IQGAP1: variants seen among roughly 807,000 people sequenced by gnomAD.
IQGAP1 encodes the protein ras GTPase-activating-like protein IQGAP1.
A neutral mutation model predicts 215.6 loss-of-function variants in IQGAP1; 66 were observed. The ratio of observed to expected loss-of-function variants is 0.31; its 90% confidence interval spans 0.25 to 0.38. The LOEUF is 0.38. Ranked by LOEUF, IQGAP1 falls within the 10% of genes least tolerant of loss-of-function variation. IQGAP1 has a pLI of 1.00. For synonymous variants in IQGAP1, 772 were observed against 728.7 expected (o/e 1.06, Z -0.96); for missense variants, 1,712 against 1,997.1 (o/e 0.86, Z 2.72).
In IQGAP1 at chr15:90,497,321, C is replaced by A; in HGVS notation, c.4841C>A (p.Thr1614Asn). ...KAKFMGVQME[T>N]FMLHYQDLLQ... ...AAATTCATGGGAGTTCAAATGGAGA[C>A]TTTTATGTTACATTATCAGGTGGGT... Residue 1614 changes from threonine (T) to asparagine (N), a missense_variant, in exon 37 of 38, where the codon ACT becomes AAT. Around this residue, in one of 2 missense-constraint regions of IQGAP1, gnomAD observed 691 missense variants for 923.0 expected, o/e 0.75. Transcript: ENST00000268182. 6.3e-7 allele frequency: 1 copy of A among 1,598,720 alleles called. No individual in the cohort carries two copies. Among genetic ancestry groups the A allele is most frequent in the Non-Finnish European group, 8.6e-7 (1 of 1,166,140 alleles).
rs1188426647 is a variant in IQGAP1 at position 90,426,236 on chromosome 15, A to T, written c.282A>T (p.Lys94Asn). The change falls in exon 3 of 38, where the codon AAA (lysine) becomes AAT (asparagine). Residue 94 changes from lysine to asparagine, a missense_variant. By Grantham distance (94) the Lys-to-Asn change is moderately conservative. Transcript: ENST00000268182. ...CTCCCAAAGTAGTGTCCCTGAAAAAAATCTATGATCGAGAACAGACCAGAT... is the reference window on the plus strand; with the variant it reads ...CTCCCAAAGTAGTGTCCCTGAAAAATATCTATGATCGAGAACAGACCAGAT... Reference protein sequence around the residue: ...FFSPKVVSLKKIYDREQTRYK... With the variant: ...FFSPKVVSLKNIYDREQTRYK... The T allele has an allele frequency of 1.9e-5, 31 of 1,603,260 alleles. No homozygotes were observed. Among genetic ancestry groups the T allele is most frequent in the Non-Finnish European group, 2.5e-5 (30 of 1,176,976 alleles).
At chr15:90,405,937 CAT>C (rs1964871737) in intron 2 of IQGAP1, among the ~76,000 whole-genome samples, 1 of 152,056 alleles carries the variant, frequency 6.6e-6, no homozygotes. Context: ...AGTTAGTTTA[CAT>C]TCTCCGTTGA....
chr15:90,456,385 G>A, intron 15 of IQGAP1, 70 bp downstream of exon 15: 3 of 1,478,058 alleles, frequency 2.0e-6, no homozygotes, highest in South Asian at 1.2e-5. Context: ...GTAGAGGTAG[G>A]AATATCTTCC....
chr15:90,486,547 T>C, intron 31 of IQGAP1: 1 of 184,468 alleles, frequency 5.4e-6, no homozygotes, highest in Non-Finnish European at 1.1e-5. Flanking sequence ...GCTCAAGTGA[T>C]CCTCCTGAGT....
At chr15:90,395,360 G>T (rs546201508) in intron 2 of IQGAP1, among the ~76,000 whole-genome samples, 4 of 150,868 alleles carry the variant, frequency 2.7e-5, no homozygotes, top group Non-Finnish European at 5.9e-5. Flanking sequence ...TCGCTCTGTC[G>T]CCCGGGCCAG....
intron 2 of IQGAP1, among the ~76,000 whole-genome samples, chr15:90,416,578 CTT>C (rs59801805): frequency 0.41 from 56,638 of 138,880 alleles, 12,515 homozygotes; most frequent in African/African-American, 0.64. Flanking sequence ...TGTTTCCTGA[CTT>C]TTTTTTTTTT....
intron 14 of IQGAP1, among the ~76,000 whole-genome samples, chr15:90,455,896 A>T (rs3213649): frequency 6.6e-6 from 1 of 152,100 alleles, no homozygotes; most frequent in South Asian, 2.1e-4. Context: ...AAAAATCCTC[A>T]TCGCTTTTAA....
At chr15:90,405,113 AAGAT>A (rs1189393681) in intron 2 of IQGAP1, among the ~76,000 whole-genome samples, 1 of 152,196 alleles carries the variant, frequency 6.6e-6, no homozygotes, top group Non-Finnish European at 1.5e-5. Flanking sequence ...TGTGAGGAGT[AAGAT>A]AGATCCTGCT....
intron 2 of IQGAP1, among the ~76,000 whole-genome samples, chr15:90,417,274 T>G (rs201183124): frequency 6.6e-6 from 1 of 152,224 alleles, no homozygotes; most frequent in Non-Finnish European, 1.5e-5. Context: ...AGACATGAAG[T>G]CCTTGCCCAT....
intron 34 of IQGAP1, 130 bp downstream of exon 34, chr15:90,491,675 A>G (rs1487832825): frequency 2.1e-5 from 15 of 706,586 alleles, no homozygotes; most frequent in Non-Finnish European, 3.1e-5. Flanking sequence ...ATGAGAAACC[A>G]TATCTGACTC....
At chr15:90,467,394 T>A in intron 17 of IQGAP1, 56 bp from the exon 18 acceptor site, 1 of 1,543,984 alleles carries the variant, frequency 6.5e-7, no homozygotes. Context: ...GTTCTGGACG[T>A]ACAGCTGGGG....
At chr15:90,412,699 G>T (rs941085123) in intron 2 of IQGAP1, among the ~76,000 whole-genome samples, 2 of 152,192 alleles carry the variant, frequency 1.3e-5, no homozygotes, top group African/African-American at 4.8e-5. Flanking sequence ...GTGGTGCTCA[G>T]AAGTGTTAGT....
chr15:90,461,085 T>C (rs1965755319), intron 15 of IQGAP1, among the ~76,000 whole-genome samples: 1 of 149,188 alleles, frequency 6.7e-6, no homozygotes, highest in African/African-American at 2.5e-5. Flanking sequence ...GGTGGGCAGA[T>C]CACCTGTGGT....
intron 4 of IQGAP1, among the ~76,000 whole-genome samples, chr15:90,430,733 C>G (rs1175701962): frequency 1.3e-5 from 2 of 151,814 alleles, no homozygotes; most frequent in African/African-American, 4.8e-5. Flanking sequence ...TTTCCTTGTA[C>G]TTTCCTGTAG....
rs746529073 is a variant in IQGAP1 at position 90,483,437 on chromosome 15, T to C, written c.3632T>C (p.Leu1211Pro). 3 of 1,614,112 alleles carry C rather than the reference T, an allele frequency of 1.9e-6. No homozygotes were observed. The highest frequency in any genetic ancestry group is 2.5e-6 in the Non-Finnish European group (3 of 1,180,034). ...CCTGATGCCTTTGACATCATTGACC[T>C]GTCAGCAGGAGGCCAGCTTACCACA... is the stretch of plus-strand genomic sequence containing the variant. ...VAPDAFDIID[L>P]SAGGQLTTDQ... Residue 1211 changes from leucine (L) to proline (P), a missense_variant, in exon 29 of 38, where the codon CTG (leucine) becomes CCG (proline). Coordinates refer to ENST00000268182, the MANE Select transcript of IQGAP1 (RefSeq NM_003870.4).
At chr15:90,446,928 A>G (rs1965535086) in intron 9 of IQGAP1, among the ~76,000 whole-genome samples, 1 of 152,172 alleles carries the variant, frequency 6.6e-6, no homozygotes, top group East Asian at 1.9e-4. Context: ...TAATATTTAC[A>G]TATTTAAGTA....
chr15:90,475,312 A>G (rs1001494281), intron 23 of IQGAP1, among the ~76,000 whole-genome samples: 4 of 151,942 alleles, frequency 2.6e-5, no homozygotes, highest in Non-Finnish European at 5.9e-5. Flanking sequence ...TTGCATTTTT[A>G]GTAGAGACGG....
At chr15:90,474,201 C>A in intron 22 of IQGAP1, 68 bp downstream of exon 22, 2 of 1,357,902 alleles carry the variant, frequency 1.5e-6, no homozygotes, top group Non-Finnish European at 2.0e-6. Context: ...GGGTATTCTC[C>A]ACAGACCTCT....
chr15:90,430,926 TA>T (rs1965293235), intron 4 of IQGAP1, among the ~76,000 whole-genome samples: 1 of 148,282 alleles, frequency 6.7e-6, no homozygotes, highest in Non-Finnish European at 1.5e-5. Context: ...ATTATATAGA[TA>T]AATATATGAC....
Sources: gnomAD v4.1 joint callset for allele counts (sites outside exome capture counted in the v4.1 genomes callset) on GRCh38, gnomAD v4.1.1 for gene constraint, gnomAD v4.1.1 regional missense constraint, MANE v1.5 for transcripts, NCBI Gene and HGNC (gene_info 2026-07-23, HGNC 2026-07-21) for gene names.